The following TRAPPC13 variants were observed in gnomAD, a reference collection of about 807,000 sequenced individuals.
The protein encoded by TRAPPC13 is trafficking protein particle complex subunit 13, also known as REV7-interacting novel NHEJ regulator 1.
In TRAPPC13, 39 loss-of-function variants were observed where a neutral mutation model predicts 54.0. That is an observed-to-expected ratio of 0.72 (90% CI 0.56 to 0.94). TRAPPC13 has a LOEUF of 0.94. Ranked by LOEUF, TRAPPC13 falls within the 40% of genes least tolerant of loss-of-function variation. The pLI is 0.00. For missense variants in TRAPPC13, 386 were observed against 488.1 expected, an observed-to-expected ratio of 0.79 and a Z score of 1.97; for synonymous variants, 148 against 167.7, an observed-to-expected ratio of 0.88 and a Z score of 0.91.
rs1046770596 is a variant in TRAPPC13, at chr5:65,650,837, T to A, written c.456T>A (p.Thr152=). The A allele has an allele frequency of 5.6e-6, 9 of 1,613,294 alleles. No individual in the cohort carries two copies. Among genetic ancestry groups the A allele is most frequent in the Non-Finnish European group, 7.6e-6 (9 of 1,179,694 alleles). The change falls in exon 6 of 13, where the codon ACT becomes ACA. Residue 152 remains threonine, a synonymous_variant. Transcript: ENST00000399438. The part of the protein sequence containing the change: ...HILVCAVSYT[T]QAGEKMYFRK... ...TGGTATGTGCTGTGAGTTATACAAC[T>A]CAGGCTGGAGAAAAAATGTATTTCA...
chr5:65,648,160 T>G (rs576670400), intron 5 of TRAPPC13, among the ~76,000 whole-genome samples: 2 of 152,328 alleles, frequency 1.3e-5, no homozygotes, highest in East Asian at 3.9e-4. Flanking sequence ...CAGTCATTAT[T>G]TGACTTCTTT....
chr5:65,652,946 A>G (rs1241965085), intron 7 of TRAPPC13, among the ~76,000 whole-genome samples: 1 of 152,134 alleles, frequency 6.6e-6, no homozygotes, highest in Non-Finnish European at 1.5e-5. Context: ...AATACTGACA[A>G]GTGAAGCTTA....
At chr5:65,649,052 C>CA (rs1483742146) in intron 5 of TRAPPC13, among the ~76,000 whole-genome samples, 1 of 151,812 alleles carries the variant, frequency 6.6e-6, no homozygotes, top group Non-Finnish European at 1.5e-5. Context: ...CCCATCTTTA[C>CA]AAAAAATACA....
chr5:65,634,619 G>T (rs1467268378), intron 1 of TRAPPC13, among the ~76,000 whole-genome samples: 1 of 152,048 alleles, frequency 6.6e-6, no homozygotes, highest in African/African-American at 2.4e-5. Flanking sequence ...GGCCGGGCAT[G>T]GTGGCTCATG....
rs3830443 is a variant in TRAPPC13, at chr5:65,664,484, ATCTC to A, written c.1147-9_1147-6del. On this transcript the variant is annotated splice_polypyrimidine_tract_variant and intron_variant, in intron 12 of 12. Transcript: ENST00000399438. ...TCTGAATGAATGAAAACTTAGACTC[ATCTC>A]TCTCTCTCTCAATAGAGCATCTCTG... 3.4e-6 allele frequency: 5 copies of A among 1,488,212 alleles called. No individual in the cohort carries two copies. Among genetic ancestry groups the A allele is most frequent in the Non-Finnish European group, 3.7e-6 (4 of 1,084,384 alleles). 92.2% of individuals were successfully genotyped at this position (1,488,212 alleles called of 1,614,324 possible).
chr5:65,644,677 T>C (rs577853935), intron 4 of TRAPPC13, among the ~76,000 whole-genome samples: 1 of 152,138 alleles, frequency 6.6e-6, no homozygotes, highest in African/African-American at 2.4e-5. Flanking sequence ...GGCCAGAAGT[T>C]TGAGACCAGC....
At chr5:65,664,042 TAGA>T (rs1756935980) in intron 11 of TRAPPC13, 192 bp from the exon 12 acceptor site, 1 of 576,616 alleles carries the variant, frequency 1.7e-6, no homozygotes, top group African/African-American at 1.9e-5. Flanking sequence ...TTTTAAGTGC[TAGA>T]AGGTGTGACT....
intron 8 of TRAPPC13, 92 bp from the exon 9 acceptor site, chr5:65,658,276 A>G: frequency 7.9e-7 from 1 of 1,267,300 alleles, no homozygotes; most frequent in African/African-American, 1.5e-5. Context: ...TTTGTGGTTA[A>G]TATTTTTTCT....
chr5:65,629,893 A>G (rs1382223880), intron 1 of TRAPPC13: 1 of 1,536,124 alleles, frequency 6.5e-7, no homozygotes, highest in East Asian at 2.4e-5. Flanking sequence ...AGCAGCATTT[A>G]ACCTGGTCAC....
Position 65,627,131 on chromosome 5 carries a change from C to CAAAAAAAAAAAAAAAAAAAAA in TRAPPC13, c.46+2031_46+2051dup, listed in dbSNP as rs60169195. 3.7e-4 allele frequency among the ~76,000 whole-genome samples: 12 copies of CAAAAAAAAAAAAAAAAAAAAA among 32,580 alleles called. 1 individual carries two copies. The highest frequency in any genetic ancestry group is 0.015 in the Middle Eastern group (1 of 68). 21.4% of individuals were successfully genotyped at this position (32,580 alleles called of 152,430 possible). On this transcript the variant is annotated intron_variant, in intron 1 of 12. Coordinates refer to ENST00000399438, the MANE Select transcript of TRAPPC13 (RefSeq NM_024941.4). ...TGGGTGACAGAGTGAGACCCTGTCT[C>CAAAAAAAAAAAAAAAAAAAAA]AAAAAAAAAAAAAAAAAAAAAAAAA...
At chr5:65,625,282 G>A in intron 1 of TRAPPC13, 176 bp downstream of exon 1, 2 of 610,570 alleles carry the variant, frequency 3.3e-6, no homozygotes, top group Non-Finnish European at 2.9e-6. Context: ...AGGTTTATGG[G>A]CCCCTTTCTA....
intron 5 of TRAPPC13, among the ~76,000 whole-genome samples, chr5:65,650,164 T>C (rs1756373076): frequency 7.0e-6 from 1 of 143,764 alleles, no homozygotes; most frequent in African/African-American, 2.6e-5. Flanking sequence ...GGCCTTTTTT[T>C]TTTTTTTTTT....
At chr5:65,637,665 T>A in intron 3 of TRAPPC13, 31 bp from the exon 4 acceptor site, 1 of 1,308,890 alleles carries the variant, frequency 7.6e-7, no homozygotes, top group Non-Finnish European at 1.1e-6. Flanking sequence ...CCTGAATGGA[T>A]TTCTGCCTAA....
At chr5:65,651,889 G>A (rs147934408) in intron 6 of TRAPPC13, among the ~76,000 whole-genome samples, 5 of 78,302 alleles carry the variant, frequency 6.4e-5, no homozygotes, top group East Asian at 7.8e-4. Flanking sequence ...TTGAGATGGC[G>A]TTTCACTCTT....
At chr5:65,653,102 C>T (rs1418898295) in intron 7 of TRAPPC13, among the ~76,000 whole-genome samples, 3 of 75,204 alleles carry the variant, frequency 4.0e-5, no homozygotes, top group Non-Finnish European at 9.3e-5. Context: ...TATCTTTTAC[C>T]CTAAAAAAAA....
chr5:65,639,816 G>A (rs1053919095), intron 4 of TRAPPC13, among the ~76,000 whole-genome samples: 13 of 152,180 alleles, frequency 8.5e-5, no homozygotes, highest in African/African-American at 4.8e-5. Context: ...TGCTAACTCC[G>A]CTAATGACCT....
At chr5:65,632,736 G>A (rs182569543) in intron 1 of TRAPPC13, among the ~76,000 whole-genome samples, 45 of 152,254 alleles carry the variant, frequency 3.0e-4, no homozygotes, top group African/African-American at 9.6e-4. Flanking sequence ...AATGCCTGGC[G>A]CTAGTAAATG....
intron 5 of TRAPPC13, among the ~76,000 whole-genome samples, chr5:65,650,430 A>G (rs1756385599): frequency 1.3e-5 from 2 of 151,968 alleles, no homozygotes; most frequent in Non-Finnish European, 2.9e-5. Flanking sequence ...CCAAAGTGCT[A>G]GGATTACAGG....
rs1172344079 is a variant in TRAPPC13, at chr5:65,665,262, A to C, written c.*651A>C. 1 of 152,166 alleles carries C rather than the reference A, an allele frequency of 6.6e-6. No homozygotes were observed. The highest frequency in any genetic ancestry group is 1.5e-5 in the Non-Finnish European group (1 of 68,028). 9.4% of individuals were successfully genotyped at this position (152,166 alleles called of 1,614,324 possible). On this transcript the variant is annotated 3_prime_UTR_variant, in exon 13 of 13. Coordinates refer to ENST00000399438, the MANE Select transcript of TRAPPC13 (RefSeq NM_024941.4). ...TGGCTGACCTCAATCTAGAAGATAG[A>C]GTTGTTTCTTAGAACTTTGTAATAT...
Sources: allele counts gnomAD v4.1 joint callset (sites outside exome capture counted in the v4.1 genomes callset), GRCh38; gene constraint gnomAD v4.1.1; transcripts MANE v1.5; gene names NCBI Gene and HGNC (gene_info 2026-07-23, HGNC 2026-07-21).